The following ARHGAP45 variants were observed in gnomAD, a reference collection of about 807,000 sequenced individuals.
The protein encoded by ARHGAP45 is Rho GTPase activating protein 45.
Under a neutral mutation model 116.1 loss-of-function variants are expected in ARHGAP45, and 56 were observed. That is an observed-to-expected ratio of 0.48 (90% CI 0.39 to 0.60). The LOEUF (loss-of-function observed/expected upper bound fraction) is 0.60. Among genes scored for constraint, ARHGAP45 ranks in the 20% least tolerant of loss-of-function variants. The pLI, the probability that ARHGAP45 is intolerant of heterozygous loss-of-function variation, is 0.00. For missense variants in ARHGAP45, 1,622 were observed against 1,601.0 expected, an observed-to-expected ratio of 1.01 and a Z score of -0.22; for synonymous variants, 866 against 701.7, an observed-to-expected ratio of 1.23 and a Z score of -3.70.
At position 1,079,964 on chromosome 19, in the gene ARHGAP45, A is replaced by T; in HGVS notation, c.1549A>T (p.Thr517Ser). ...CTACTACCAGATGATGCATATGCAG[A>T]CGGCGCCGCTGCCCGTGCACTTCCA... ...ISYYQMMHMQ[T>S]APLPVHFQML... Residue 517 changes from threonine (T) to serine (S), a missense_variant, in exon 13 of 23, where the codon ACG becomes TCG. Thr to Ser is a moderately conservative substitution (Grantham distance 58, BLOSUM62 1). This residue lies in a region of ARHGAP45 where 1,334 missense variants were observed against 1,263.8 expected (regional missense o/e 1.06). Coordinates refer to ENST00000313093, the MANE Select transcript of ARHGAP45 (RefSeq NM_012292.5). 3 of 1,612,574 alleles carry T rather than the reference A, an allele frequency of 1.9e-6. No homozygotes were observed. The highest frequency in any genetic ancestry group is 1.1e-5 in the South Asian group (1 of 91,084).
chr19:1,084,323 A>AGGC lies in ARHGAP45; in HGVS notation c.3050_3052dup (p.Ala1017dup), dbSNP rs1568486535. On this transcript the variant is annotated inframe_insertion, in exon 22 of 23. Coordinates refer to ENST00000313093, the MANE Select transcript of ARHGAP45 (RefSeq NM_012292.5). ...GAGGCGGTGGTCTACCCGCTGCAGG[A>AGGC]GGCGGCGGCGGACGGGTGCAGAGGT... The AGGC allele has an allele frequency of 5.0e-6, 8 of 1,610,580 alleles. No individual in the cohort carries two copies. In the Admixed American group the frequency reaches 5.0e-5, roughly 10 times the overall value.
chr19:1,082,767 C>T (rs1420499824), intron 19 of ARHGAP45, 73 bp from the exon 20 acceptor site: 60 of 1,300,816 alleles, frequency 4.6e-5, no homozygotes, highest in Non-Finnish European at 6.2e-5. Context: ...GGGGCTGAGG[C>T]TGGGGGCGTG....
intron 4 of ARHGAP45, 39 bp downstream of exon 4, chr19:1,073,629 G>T: frequency 6.2e-7 from 1 of 1,611,490 alleles, no homozygotes; most frequent in Non-Finnish European, 8.5e-7. Flanking sequence ...AAGGGAGCGT[G>T]GGGGGCCCGG....
At chr19:1,074,549 TG>T in intron 8 of ARHGAP45, 64 bp from the exon 9 acceptor site, 4 of 1,436,592 alleles carry the variant, frequency 2.8e-6, no homozygotes, top group South Asian at 1.3e-5. Context: ...AGCTGGTGGC[TG>T]GGGGTGCTGG....
At position 1,069,326 on chromosome 19, in the gene ARHGAP45, G is replaced by A. The variant is rs146118018; in HGVS notation, c.421+582G>A. 6.6e-6 allele frequency among the ~76,000 whole-genome samples: 1 copy of A among 152,310 alleles called. No homozygotes were observed. Among genetic ancestry groups the A allele is most frequent in the African/African-American group, 2.4e-5 (1 of 41,570 alleles). ...GTTCCGTTTTCTCCTCCACGCGGCCGCTGACAGCCCTGCTTCCTGCCGAGT... is the reference window on the plus strand; with the variant it reads ...GTTCCGTTTTCTCCTCCACGCGGCCACTGACAGCCCTGCTTCCTGCCGAGT... On this transcript the variant is annotated intron_variant, in intron 2 of 22. Transcript: ENST00000313093. The surrounding 1 kb of genome is among the most constrained non-coding windows in gnomAD (Gnocchi z 4.1).
Position 1,077,757 on chromosome 19 carries a change from G to A in ARHGAP45, c.1186-100G>A, listed in dbSNP as rs769137370. 134 of 1,540,514 alleles carry A rather than the reference G, an allele frequency of 8.7e-5. No homozygotes were observed. The South Asian group carries it at 1.3e-3, about 15-fold the overall frequency. On this transcript the variant is annotated intron_variant, in intron 10 of 22. Transcript: ENST00000313093. The stretch of plus-strand genomic sequence containing the variant: ...ATGCCCAGCTGGGCCATGGGGCCTT[G>A]CTGAGAGAGATGGGGGTGGGGAGGA...
chr19:1,083,067 G>C lies in ARHGAP45; in HGVS notation c.2744+1G>C. ...AGTACCTGCTGCGTCACCTACGCAGGTGAGTCCCGGCATATGGAGTGGAGG... is the reference window on the plus strand; with the variant it reads ...AGTACCTGCTGCGTCACCTACGCAGCTGAGTCCCGGCATATGGAGTGGAGG... On this transcript the variant is annotated splice_donor_variant, in intron 20 of 22. Transcript: ENST00000313093. LOFTEE classifies it high-confidence loss of function. The C allele has an allele frequency of 6.4e-7, 1 of 1,552,050 alleles. No individual in the cohort carries two copies. The highest frequency in any genetic ancestry group is 8.7e-7 in the Non-Finnish European group (1 of 1,153,054).
At chr19:1,066,491 A>C (rs1047146518), upstream of ARHGAP45, 2 of 369,674 alleles carry the variant, frequency 5.4e-6, no homozygotes, top group Non-Finnish European at 5.1e-6. Context: ...GATATGGCCC[A>C]CAGGGCTGCT....
At position 1,082,025 on chromosome 19, in the gene ARHGAP45, G is replaced by A. The variant is rs920020129; in HGVS notation, c.2517+64G>A. The A allele has an allele frequency of 1.0e-5, 16 of 1,564,468 alleles. No individual in the cohort carries two copies. In the Admixed American group the frequency reaches 2.8e-4, roughly 28 times the overall value. On this transcript the variant is annotated intron_variant, in intron 19 of 22. Transcript: ENST00000313093. ...GGGCGTAGCCAGGCAGGAGGAGGCG[G>A]GGTGGGGGTCCGGGAGCTGGAGCAG...
intron 22 of ARHGAP45, among the ~76,000 whole-genome samples, chr19:1,084,911 A>G (rs576805174): frequency 2.0e-5 from 3 of 152,162 alleles, no homozygotes; most frequent in Non-Finnish European, 4.4e-5. Context: ...GTGAAATCCC[A>G]TCTCTACTAA....
intron 10 of ARHGAP45, among the ~76,000 whole-genome samples, chr19:1,076,513 T>TTTTTA (rs2043254143): frequency 9.0e-6 from 1 of 111,080 alleles, no homozygotes; most frequent in African/African-American, 3.3e-5. Context: ...TTTTTTTTTT[T>TTTTTA]GAGACAAGAG....
chr19:1,085,706 C>G lies in ARHGAP45; in HGVS notation c.3111C>G (p.Ala1037=). 1 of 1,605,304 alleles carries G rather than the reference C, an allele frequency of 6.2e-7. No homozygotes were observed. Among genetic ancestry groups the G allele is most frequent in the Non-Finnish European group, 8.5e-7 (1 of 1,174,660 alleles). The change falls in exon 23 of 23, where the codon GCC becomes GCG. Residue 1037 remains alanine (A), a synonymous_variant. Transcript: ENST00000313093. ...SNDSDSDLEE[A]SELLSSSEAS... ...ATTCGGACTCGGACCTAGAGGAGGC[C>G]TCCGAGCTGCTGTCCTCATCGGAGG...
At chr19:1,067,924 G>C (rs1008664824) in intron 1 of ARHGAP45, among the ~76,000 whole-genome samples, 1 of 136,766 alleles carries the variant, frequency 7.3e-6, no homozygotes, top group Non-Finnish European at 1.6e-5. Flanking sequence ...AGGTTGGGGA[G>C]TGTCCCCAGG....
Position 1,067,383 on chromosome 19 carries a change from G to T in ARHGAP45, c.-23G>T. Reference sequence around the variant, plus strand: ...GCTGAGACCCCCAGCCCGCCCCCTCGGGCTCCCGGCCGGGGCCCCATCATG... The same window carrying T: ...GCTGAGACCCCCAGCCCGCCCCCTCTGGCTCCCGGCCGGGGCCCCATCATG... On this transcript the variant is annotated 5_prime_UTR_variant, in exon 1 of 23. Transcript: ENST00000313093. 6.5e-7 allele frequency: 1 copy of T among 1,533,490 alleles called. No individual in the cohort carries two copies. 95.0% of individuals were successfully genotyped at this position (1,533,490 alleles called of 1,614,324 possible).
rs1304289194 is a variant in ARHGAP45, at chr19:1,069,668, C to T, written c.421+924C>T. On this transcript the variant is annotated intron_variant, in intron 2 of 22. Coordinates refer to ENST00000313093, the MANE Select transcript of ARHGAP45 (RefSeq NM_012292.5). This position sits in a 1 kb window ranked among gnomAD's most constrained non-coding sequence, Gnocchi z 4.1. ...GTGGGAGCCCCCGGGTTATCTGGTC[C>T]CAGGGGCGGGGGCTAGGCTGCTTTC... Among the ~76,000 whole-genome samples the T allele has an allele frequency of 3.3e-5, 5 of 152,154 alleles. No homozygotes were observed. Among genetic ancestry groups the T allele is most frequent in the Admixed American group, 2.0e-4 (3 of 15,284 alleles).
At chr19:1,074,048 A>G (rs757093351) in intron 6 of ARHGAP45, 34 bp downstream of exon 6, 20 of 1,602,796 alleles carry the variant, frequency 1.2e-5, no homozygotes, top group African/African-American at 2.7e-5. Flanking sequence ...CAGGCATTTG[A>G]GGGGTGGGCC....
In ARHGAP45 at chr19:1,086,292, A is replaced by T. The variant is rs2043647655; in HGVS notation, c.*286A>T. ...TCACAGTGGCCTTGTTGGTGCCCAC[A>T]GGGCTGTGTGGATGGAGGAAGCTGT... On this transcript the variant is annotated 3_prime_UTR_variant, in exon 23 of 23. Transcript: ENST00000313093. 2 of 390,130 alleles carry T rather than the reference A, an allele frequency of 5.1e-6. No individual in the cohort carries two copies. The highest frequency in any genetic ancestry group is 9.5e-6 in the Non-Finnish European group (2 of 211,314). 24.2% of individuals were successfully genotyped at this position (390,130 alleles called of 1,614,324 possible). A position where few individuals can be genotyped will look rare whatever the true frequency, so the allele number is the denominator to read the frequency against.
intron 15 of ARHGAP45, 25 bp from the exon 16 acceptor site, chr19:1,080,657 C>CT (rs763956836): frequency 6.2e-7 from 1 of 1,610,738 alleles, no homozygotes; most frequent in South Asian, 1.1e-5. Context: ...CTGGGGGAGT[C>CT]TGAACAGTCC....
At position 1,068,846 on chromosome 19, in the gene ARHGAP45, A is replaced by G; in HGVS notation, c.421+102A>G. 2 of 1,136,852 alleles carry G rather than the reference A, an allele frequency of 1.8e-6. No homozygotes were observed. Among genetic ancestry groups the G allele is most frequent in the Non-Finnish European group, 2.6e-6 (2 of 777,488 alleles). 70.4% of individuals were successfully genotyped at this position (1,136,852 alleles called of 1,614,324 possible). A position where few individuals can be genotyped will look rare whatever the true frequency, so the allele number is the denominator to read the frequency against. ...GGAGGCTCAGAAGGGAGGGAGGCTC[A>G]GATGGCAGGGAGGGCTGTGTGGAAG... is the stretch of plus-strand genomic sequence containing the variant. On this transcript the variant is annotated intron_variant, in intron 2 of 22. Coordinates refer to ENST00000313093, the MANE Select transcript of ARHGAP45 (RefSeq NM_012292.5). The surrounding 1 kb of genome is among the most constrained non-coding windows in gnomAD (Gnocchi z 7.5).
Sources: allele counts gnomAD v4.1 joint callset (sites outside exome capture counted in the v4.1 genomes callset), GRCh38; gene constraint gnomAD v4.1.1; regional missense constraint gnomAD v4.1.1; non-coding constraint Gnocchi (gnomAD v3.1); transcripts MANE v1.5; gene names NCBI Gene and HGNC (gene_info 2026-07-23, HGNC 2026-07-21).